The following PGBD2 variants were observed in gnomAD, a reference collection of about 807,000 sequenced individuals.
PGBD2 encodes the protein piggyBac transposable element-derived protein 2.
Under a neutral mutation model 8.1 loss-of-function variants are expected in PGBD2, and 6 were observed. The observed-to-expected ratio is 0.74, with a 90% CI of 0.40 to 1.46. PGBD2 has a LOEUF of 1.46. PGBD2 is among the 40% of genes most tolerant of loss of function. The pLI, the probability that PGBD2 is intolerant of heterozygous loss-of-function variation, is 0.02. For synonymous variants in PGBD2, 318 were observed against 272.2 expected, an observed-to-expected ratio of 1.17 and a Z score of -1.66; for missense variants, 802 against 739.0, an observed-to-expected ratio of 1.09 and a Z score of -0.99.
rs747900529 is a variant in PGBD2 at position 248,917,406 on chromosome 1, G to A, written c.822G>A (p.Glu274=). ...EFYSFGESMC[E]YFGHRGSKQL... ...ACAGCTTTGGCGAGTCTATGTGTGAGTACTTTGGGCACCGGGGGTCCAAGC... is the reference window on the plus strand; with the variant it reads ...ACAGCTTTGGCGAGTCTATGTGTGAATACTTTGGGCACCGGGGGTCCAAGC... The change falls in exon 3 of 3, where the codon GAG becomes GAA. Residue 274 remains glutamate (E), a synonymous_variant. Transcript: ENST00000329291. 1 of 1,614,156 alleles carries A rather than the reference G, an allele frequency of 6.2e-7. No homozygotes were observed. The highest frequency in any genetic ancestry group is 1.1e-5 in the South Asian group (1 of 91,086).
At chr1:248,916,497 C>A in intron 2 of PGBD2, 105 bp from the exon 3 acceptor site, 1 of 883,920 alleles carries the variant, frequency 1.1e-6, no homozygotes. Flanking sequence ...ATCTGTGAAG[C>A]CATTCAAGTG....
chr1:248,906,726 C>T lies in PGBD2; in HGVS notation c.-48+384C>T, dbSNP rs566753127. Reference sequence around the variant, plus strand: ...GCTGGCGGCGGGACTGCGAATGCCACGTCACATCCTGGGGCGGGGTGGCTC... The same window carrying T: ...GCTGGCGGCGGGACTGCGAATGCCATGTCACATCCTGGGGCGGGGTGGCTC... On this transcript the variant is annotated intron_variant, in intron 1 of 2. Coordinates refer to ENST00000329291, the MANE Select transcript of PGBD2 (RefSeq NM_170725.3). Among the ~76,000 whole-genome samples the T allele has an allele frequency of 7.4e-5, 11 of 149,170 alleles. No individual in the cohort carries two copies. In the South Asian group the frequency reaches 8.5e-4, roughly 11 times the overall value.
At position 248,913,880 on chromosome 1, in the gene PGBD2, G is replaced by A. The variant is rs1309020006; in HGVS notation, c.17+1G>A. 6.2e-7 allele frequency: 1 copy of A among 1,608,944 alleles called. No homozygotes were observed. The highest frequency in any genetic ancestry group is 2.2e-5 in the East Asian group (1 of 44,860). ...AGTTCATCATGGCTTCAACATCCAG[G>A]TAGGAGTGCTGTTTGATCAAATGTT... On this transcript the variant is annotated splice_donor_variant, in intron 2 of 2. Coordinates refer to ENST00000329291, the MANE Select transcript of PGBD2 (RefSeq NM_170725.3). LOFTEE classifies it high-confidence loss of function.
At chr1:248,883,766 T>C in the PGBD2 span, among the ~76,000 whole-genome samples, 3 of 151,696 alleles carry the variant, frequency 2.0e-5, no homozygotes, top group African/African-American at 7.3e-5. Flanking sequence ...CCAGCTAATT[T>C]TTTTGTATTT....
the PGBD2 span, among the ~76,000 whole-genome samples, chr1:248,898,222 A>T: frequency 1.3e-5 from 2 of 152,168 alleles, no homozygotes; most frequent in Non-Finnish European, 1.5e-5. Flanking sequence ...AACTCCACCA[A>T]GGGGCAGCCA....
upstream of PGBD2, among the ~76,000 whole-genome samples, chr1:248,906,037 A>AG (rs766656915): frequency 1.4e-5 from 2 of 147,614 alleles, no homozygotes; most frequent in Non-Finnish European, 3.0e-5. Context: ...CAGGGGTGGG[A>AG]GGGTAAGGGA....
Position 248,918,974 on chromosome 1 carries a change from A to T in PGBD2, c.*611A>T, listed in dbSNP as rs1045566191. On this transcript the variant is annotated 3_prime_UTR_variant, in exon 3 of 3. Transcript: ENST00000329291. ...TTTAATTTTGTGGGTACATAGTAGG[A>T]GTGTATTTTTATGGGTTACATGAGA... The T allele has an allele frequency of 6.0e-6, 1 of 167,006 alleles. No individual in the cohort carries two copies. Among genetic ancestry groups the T allele is most frequent in the Non-Finnish European group, 1.5e-5 (1 of 68,086 alleles). The allele number at this position is 167,006 out of a possible 1,614,324, so 10.3% of individuals were successfully genotyped here. A position where few individuals can be genotyped will look rare whatever the true frequency, so the allele number is the denominator to read the frequency against.
chr1:248,905,797 A>T (rs1387967364), upstream of PGBD2, among the ~76,000 whole-genome samples: 12 of 152,346 alleles, frequency 7.9e-5, 1 homozygote, highest in Admixed American at 5.2e-4. Context: ...AGTGGTTCTC[A>T]AGCCCTAGTT....
At chr1:248,885,587 G>A in the PGBD2 span, among the ~76,000 whole-genome samples, 10 of 152,242 alleles carry the variant, frequency 6.6e-5, no homozygotes, top group East Asian at 3.9e-4. Context: ...ACTAATGAAT[G>A]CACCCTCCAA....
Position 248,917,380 on chromosome 1 carries a change from T to C in PGBD2, c.796T>C (p.Tyr266His). 1 of 1,614,198 alleles carries C rather than the reference T, an allele frequency of 6.2e-7. No homozygotes were observed. Among genetic ancestry groups the C allele is most frequent in the Non-Finnish European group, 8.5e-7 (1 of 1,180,030 alleles). Residue 266 changes from tyrosine (Y) to histidine (H), a missense_variant, in exon 3 of 3, where the codon TAC becomes CAC. Physicochemically the swap from Tyr to His is moderately conservative, Grantham distance 83. Coordinates refer to ENST00000329291, the MANE Select transcript of PGBD2 (RefSeq NM_170725.3). ...GAAGCATGCACCCTTGGAAGAGTTCTACAGCTTTGGCGAGTCTATGTGTGA... is the reference window on the plus strand; with the variant it reads ...GAAGCATGCACCCTTGGAAGAGTTCCACAGCTTTGGCGAGTCTATGTGTGA... ...FQKHAPLEEFYSFGESMCEYF... is the reference protein window; with the variant it reads ...FQKHAPLEEFHSFGESMCEYF...
In PGBD2 at chr1:248,917,923, G is replaced by T. The variant is rs774933734; in HGVS notation, c.1339G>T (p.Val447Phe). ...TGGAGCAGCTAAAACGCGGACTCAG[G>T]TCCACCAGCCATCACTGGTGAAGCT... The part of the protein sequence containing the change: ...HSGAAKTRTQ[V>F]HQPSLVKLYQ... The change falls in exon 3 of 3, where the codon GTC (valine) becomes TTC (phenylalanine). Residue 447 changes from valine (V) to phenylalanine (F), a missense_variant. Val to Phe is a conservative substitution (Grantham distance 50). Transcript: ENST00000329291. The T allele has an allele frequency of 6.2e-7, 1 of 1,614,186 alleles. No homozygotes were observed. The highest frequency in any genetic ancestry group is 1.1e-5 in the South Asian group (1 of 91,078).
intron 1 of PGBD2, among the ~76,000 whole-genome samples, chr1:248,907,513 T>A (rs751603704): frequency 1.2e-4 from 19 of 152,156 alleles, no homozygotes; most frequent in Admixed American, 3.3e-4. Context: ...GGTCTTTCTC[T>A]TCCCACGAGG....
chr1:248,898,451 G>C, the PGBD2 span, among the ~76,000 whole-genome samples: 1 of 152,146 alleles, frequency 6.6e-6, no homozygotes, highest in Non-Finnish European at 1.5e-5. Flanking sequence ...ACCGCACCTG[G>C]CTCAACATTT....
chr1:248,925,608 G>T, the PGBD2 span, among the ~76,000 whole-genome samples: 75 of 119,558 alleles, frequency 6.3e-4, 1 homozygote, highest in South Asian at 8.9e-3. Flanking sequence ...GTGAATTATT[G>T]TAAATAAGTT....
chr1:248,879,748 T>C, the PGBD2 span, among the ~76,000 whole-genome samples: 1 of 152,220 alleles, frequency 6.6e-6, no homozygotes, highest in Admixed American at 6.5e-5. Context: ...ATCTTAATTC[T>C]GTTTGATGAT....
the PGBD2 span, among the ~76,000 whole-genome samples, chr1:248,882,813 A>G: frequency 2.0e-5 from 3 of 152,214 alleles, no homozygotes; most frequent in African/African-American, 7.2e-5. Flanking sequence ...TCGTTCTGGC[A>G]GTCCAACCTG....
Position 248,917,490 on chromosome 1 carries a change from C to T in PGBD2, c.906C>T (p.Ser302=), listed in dbSNP as rs1348499387. Residue 302 remains serine (S), a synonymous_variant, in exon 3 of 3, where the codon AGC becomes AGT. Coordinates refer to ENST00000329291, the MANE Select transcript of PGBD2 (RefSeq NM_170725.3). The stretch of plus-strand genomic sequence containing the variant: ...ACAAGATTTGGTGTGGGACAACCAG[C>T]AGAGGCTACTTGGTGTGGTTTGAGC... ...LGYKIWCGTT[S]RGYLVWFEPS... 1 of 1,613,996 alleles carries T rather than the reference C, an allele frequency of 6.2e-7. No homozygotes were observed. The highest frequency in any genetic ancestry group is 8.5e-7 in the Non-Finnish European group (1 of 1,180,036).
the PGBD2 span, among the ~76,000 whole-genome samples, chr1:248,900,574 G>C: frequency 6.6e-6 from 1 of 152,068 alleles, no homozygotes; most frequent in Non-Finnish European, 1.5e-5. Flanking sequence ...AATAAACTAA[G>C]TATTGAAGAA....
downstream of PGBD2, among the ~76,000 whole-genome samples, chr1:248,924,047 C>T (rs1662338181): frequency 1.3e-5 from 2 of 152,216 alleles, no homozygotes; most frequent in African/African-American, 4.8e-5. Context: ...GAAGAGTCCA[C>T]CCAGCTGGGG....
Sources: allele counts gnomAD v4.1 joint callset (sites outside exome capture counted in the v4.1 genomes callset), GRCh38; gene constraint gnomAD v4.1.1; transcripts MANE v1.5; gene names NCBI Gene and HGNC (gene_info 2026-07-23, HGNC 2026-07-21).